Variants in PTPRN2 observed in about 807,000 individuals in gnomAD.
The protein encoded by PTPRN2 is protein tyrosine phosphatase receptor type N2, also known as receptor-type tyrosine-protein phosphatase N2.
In PTPRN2, 74 loss-of-function variants were observed where a neutral mutation model predicts 118.8. The ratio of observed to expected loss-of-function variants is 0.62; its 90% confidence interval spans 0.52 to 0.76. The LOEUF (loss-of-function observed/expected upper bound fraction) is 0.76, where lower values mean the gene tolerates loss of function less well. Among genes scored for constraint, PTPRN2 ranks in the 30% least tolerant of loss-of-function variants. PTPRN2 has a pLI of 0.00. For missense variants in PTPRN2, 1,481 were observed against 1,394.4 expected (o/e 1.06, Z -0.99); for synonymous variants, 641 against 608.0 (o/e 1.05, Z -0.80).
intron 11 of PTPRN2, among the ~76,000 whole-genome samples, chr7:157,965,670 T>C (rs1365949294): frequency 6.6e-6 from 1 of 151,994 alleles, no homozygotes; most frequent in Non-Finnish European, 1.5e-5. Flanking sequence ...CAGATCAAGG[T>C]GTTCTTTTCT....
chr7:158,543,062 CCA>C (rs1261273634), intron 1 of PTPRN2, among the ~76,000 whole-genome samples: 3 of 152,248 alleles, frequency 2.0e-5, no homozygotes, highest in African/African-American at 7.2e-5. Context: ...AATAGTCTAG[CCA>C]CAGTTTTCTT....
Position 157,674,227 on chromosome 7 carries a change from A to G in PTPRN2, c.2001+8498T>C, listed in dbSNP as rs779719117. On this transcript the variant is annotated intron_variant, in intron 13 of 22. Transcript: ENST00000389418. The surrounding 1 kb of genome is among the most constrained non-coding windows in gnomAD (Gnocchi z 4.5). ...GAGAGCCATGGAGAGCTCCGGGCCG[A>G]AGGGGACTTGGGCCTGGGAGAGAAG... Among the ~76,000 whole-genome samples the G allele has an allele frequency of 5.9e-5, 9 of 152,096 alleles. No homozygotes were observed. The highest frequency in any genetic ancestry group is 1.0e-4 in the Non-Finnish European group (7 of 67,998).
At chr7:157,838,490 TCCA>T in intron 12 of PTPRN2, among the ~76,000 whole-genome samples, 1 of 67,686 alleles carries the variant, frequency 1.5e-5, no homozygotes, top group South Asian at 9.8e-4. Context: ...AAAGCTCCTC[TCCA>T]CCGTGGCTAC....
At chr7:158,549,666 AGAG>A (rs1826521949) in intron 1 of PTPRN2, among the ~76,000 whole-genome samples, 2 of 152,262 alleles carry the variant, frequency 1.3e-5, no homozygotes, top group African/African-American at 2.4e-5. Flanking sequence ...TCCGCCTCCC[AGAG>A]GAGATCAGCC....
At chr7:157,743,566 G>A (rs902160519) in intron 12 of PTPRN2, among the ~76,000 whole-genome samples, 3 of 151,286 alleles carry the variant, frequency 2.0e-5, no homozygotes, top group Non-Finnish European at 4.4e-5. Context: ...CTCCTGGCAA[G>A]CCATGGCTGG....
intron 12 of PTPRN2, among the ~76,000 whole-genome samples, chr7:157,727,093 G>A (rs1343151831): frequency 6.6e-6 from 1 of 152,188 alleles, no homozygotes; most frequent in African/African-American, 2.4e-5. Flanking sequence ...AGTTAGAAAT[G>A]GAATTCCCAT....
intron 11 of PTPRN2, among the ~76,000 whole-genome samples, chr7:157,980,420 A>C (rs1314033548): frequency 6.6e-6 from 1 of 152,208 alleles, no homozygotes; most frequent in African/African-American, 2.4e-5. Flanking sequence ...TGGAAAAGAA[A>C]CTTCTAGGAC....
chr7:157,952,644 G>A (rs946606738), intron 11 of PTPRN2, among the ~76,000 whole-genome samples: 1 of 152,098 alleles, frequency 6.6e-6, no homozygotes, highest in Non-Finnish European at 1.5e-5. Context: ...TGTGGCTTCT[G>A]TTCCTGTATC....
chr7:158,391,796 G>A (rs78404054), intron 2 of PTPRN2, among the ~76,000 whole-genome samples: 6,646 of 152,270 alleles, frequency 0.044, 518 homozygotes, highest in African/African-American at 0.15. Context: ...TACCGGGGGC[G>A]GGGGAGGAAA....
intron 3 of PTPRN2, among the ~76,000 whole-genome samples, chr7:158,306,142 AT>A (rs1413106302): frequency 1.3e-5 from 2 of 152,264 alleles, no homozygotes; most frequent in African/African-American, 4.8e-5. Context: ...TGTTGAAAAC[AT>A]TTAGAGACAA....
intron 1 of PTPRN2, 124 bp from the exon 2 acceptor site, chr7:158,489,909 C>G (rs905514623): frequency 1.1e-6 from 1 of 905,036 alleles, no homozygotes; most frequent in African/African-American, 1.7e-5. Context: ...TCCTCCGACC[C>G]GGCTTTTCCG....
chr7:157,916,473 C>T (rs1402677656), intron 11 of PTPRN2, among the ~76,000 whole-genome samples: 2 of 152,352 alleles, frequency 1.3e-5, no homozygotes, highest in East Asian at 3.9e-4. Context: ...ACAAACTGCT[C>T]TCCTCTAATT....
intron 2 of PTPRN2, among the ~76,000 whole-genome samples, chr7:158,389,302 C>G (rs549476866): frequency 6.6e-6 from 1 of 152,258 alleles, no homozygotes; most frequent in Non-Finnish European, 1.5e-5. Context: ...GTGGAGGACA[C>G]GCAGCCGTGT....
intron 5 of PTPRN2, among the ~76,000 whole-genome samples, chr7:158,170,793 C>T (rs1318356997): frequency 6.6e-5 from 10 of 152,120 alleles, no homozygotes; most frequent in Non-Finnish European, 4.4e-5. Context: ...GGAACTGGCT[C>T]TGGAGCTGCC....
Position 157,621,364 on chromosome 7 carries a change from G to T in PTPRN2, c.2342C>A (p.Thr781Asn). The T allele has an allele frequency of 1.2e-6, 2 of 1,611,970 alleles. No homozygotes were observed. Among genetic ancestry groups the T allele is most frequent in the Non-Finnish European group, 1.7e-6 (2 of 1,178,498 alleles). ...CTGCCCCCGGGGCTGGTACGTACAG[G>T]TCAGCACGGCCAGGGAGCGGTTCTT... ...VPKNRSLAVL[T>N]YDHSRVLLKA... is the part of the protein sequence containing the mutation. The change falls in exon 15 of 23, where the codon ACC becomes AAC. Residue 781 changes from threonine (T) to asparagine (N), a missense_variant and splice_region_variant. By Grantham distance (65) the Thr-to-Asn change is moderately conservative. Coordinates refer to ENST00000389418, the MANE Select transcript of PTPRN2 (RefSeq NM_002847.5).
chr7:157,703,246 G>T (rs1563017514), intron 12 of PTPRN2, among the ~76,000 whole-genome samples: 1 of 152,232 alleles, frequency 6.6e-6, no homozygotes, highest in South Asian at 2.1e-4. Flanking sequence ...AGGCAGCAGA[G>T]ATGGCTGCTA....
intron 2 of PTPRN2, among the ~76,000 whole-genome samples, chr7:158,328,794 C>T (rs1003455769): frequency 3.2e-5 from 1 of 31,282 alleles, no homozygotes; most frequent in Non-Finnish European, 5.8e-5. Context: ...GGCCTCCATT[C>T]CCCCCCCCCC....
At chr7:158,520,138 G>A (rs1352144943) in intron 1 of PTPRN2, among the ~76,000 whole-genome samples, 1 of 152,200 alleles carries the variant, frequency 6.6e-6, no homozygotes, top group Non-Finnish European at 1.5e-5. Flanking sequence ...AGCATTTTCT[G>A]GCCACAGAGT....
rs1324948650 is a variant in PTPRN2 at position 157,676,256 on chromosome 7, C to T, written c.2001+6469G>A. On this transcript the variant is annotated intron_variant, in intron 13 of 22. Transcript: ENST00000389418. The surrounding 1 kb of genome is among the most constrained non-coding windows in gnomAD (Gnocchi z 5.6). ...CAAATGCCCACCCTCTTGGGTCTGT[C>T]CCTACCCTGCAGATGGCTCCAGCAC... Among the ~76,000 whole-genome samples, 5 of 152,150 alleles carry T rather than the reference C, an allele frequency of 3.3e-5. No homozygotes were observed. The highest frequency in any genetic ancestry group is 2.6e-4 in the Admixed American group (4 of 15,280).
Sources: gnomAD v4.1 joint callset for allele counts (sites outside exome capture counted in the v4.1 genomes callset) on GRCh38, gnomAD v4.1.1 for gene constraint, Gnocchi (gnomAD v3.1) non-coding constraint, MANE v1.5 for transcripts, NCBI Gene and HGNC (gene_info 2026-07-23, HGNC 2026-07-21) for gene names.